Variants in BTRC observed in about 807,000 individuals in gnomAD.
The protein encoded by BTRC is beta-transducin repeat containing E3 ubiquitin protein ligase, also known as F-box/WD repeat-containing protein 1A.
A neutral mutation model predicts 85.5 loss-of-function variants in BTRC; 42 were observed. The ratio of observed to expected loss-of-function variants is 0.49; its 90% confidence interval spans 0.38 to 0.64. The LOEUF is 0.64. BTRC is among the 30% of genes least tolerant of loss of function. The probability of loss-of-function intolerance (pLI) is 0.00; values close to 1 mark genes in which losing one functional copy is unlikely to be tolerated. For missense variants in BTRC, 594 were observed against 743.5 expected (o/e 0.80, Z 2.34); for synonymous variants, 255 against 263.3 (o/e 0.97, Z 0.30).
intron 1 of BTRC, among the ~76,000 whole-genome samples, chr10:101,356,011 G>A (rs188949141): frequency 6.6e-6 from 1 of 152,280 alleles, no homozygotes; most frequent in East Asian, 1.9e-4. Context: ...CCTACTTAGA[G>A]GGTTGACTCC....
chr10:101,442,702 G>A (rs570149173), intron 2 of BTRC, among the ~76,000 whole-genome samples: 3 of 152,210 alleles, frequency 2.0e-5, no homozygotes, highest in South Asian at 2.1e-4. Context: ...AACGTAAAAA[G>A]GAATTAACGT....
intron 4 of BTRC, among the ~76,000 whole-genome samples, chr10:101,499,319 C>A (rs1213190285): frequency 6.6e-6 from 1 of 151,860 alleles, no homozygotes; most frequent in Non-Finnish European, 1.5e-5. Context: ...TCACTGCAAC[C>A]TCCGCCTTCT....
intron 2 of BTRC, among the ~76,000 whole-genome samples, chr10:101,437,051 C>T (rs1025352265): frequency 6.6e-6 from 1 of 152,136 alleles, no homozygotes; most frequent in Non-Finnish European, 1.5e-5. Flanking sequence ...AAATGCTTCT[C>T]ATTCTGTAGC....
chr10:101,432,187 G>T (rs1331395757), intron 2 of BTRC, among the ~76,000 whole-genome samples: 1 of 151,328 alleles, frequency 6.6e-6, no homozygotes, highest in Non-Finnish European at 1.5e-5. Flanking sequence ...GAGTGCAGTG[G>T]CACAATCTCG....
chr10:101,534,282 A>G (rs369767372), intron 9 of BTRC, among the ~76,000 whole-genome samples: 1 of 152,190 alleles, frequency 6.6e-6, no homozygotes, highest in Admixed American at 6.5e-5. Context: ...TGACAGAAGC[A>G]TCTTGGCCTA....
chr10:101,444,608 G>A (rs1944775078), intron 2 of BTRC, among the ~76,000 whole-genome samples: 1 of 152,102 alleles, frequency 6.6e-6, no homozygotes, highest in African/African-American at 2.4e-5. Flanking sequence ...TATTTATGAT[G>A]ATGTGCTGAT....
chr10:101,397,701 G>A (rs967650038), intron 1 of BTRC, among the ~76,000 whole-genome samples: 1 of 152,024 alleles, frequency 6.6e-6, no homozygotes, highest in East Asian at 1.9e-4. Context: ...TTCTCACCCA[G>A]TGCTTAATTT....
intron 1 of BTRC, among the ~76,000 whole-genome samples, chr10:101,405,011 A>C (rs1943585772): frequency 6.6e-6 from 1 of 151,690 alleles, no homozygotes; most frequent in African/African-American, 2.4e-5. Flanking sequence ...AAAAAAAAAA[A>C]AAAAAAAGTC....
At chr10:101,423,245 T>C (rs1589448716) in intron 1 of BTRC, among the ~76,000 whole-genome samples, 1 of 152,108 alleles carries the variant, frequency 6.6e-6, no homozygotes, top group East Asian at 1.9e-4. Flanking sequence ...TACTAGTTTA[T>C]TATACAGGTG....
intron 2 of BTRC, among the ~76,000 whole-genome samples, chr10:101,432,473 A>G (rs1234945331): frequency 6.6e-6 from 1 of 152,152 alleles, no homozygotes; most frequent in African/African-American, 2.4e-5. Context: ...AGGTTCTGCC[A>G]TTGAAGAATC....
At chr10:101,463,959 A>C (rs572665252) in intron 3 of BTRC, among the ~76,000 whole-genome samples, 18 of 147,232 alleles carry the variant, frequency 1.2e-4, no homozygotes, top group Admixed American at 1.2e-3. Context: ...AAAAAAAAAA[A>C]CAAACAAAAA....
chr10:101,460,571 A>T (rs1289907490), intron 2 of BTRC, among the ~76,000 whole-genome samples: 4 of 152,236 alleles, frequency 2.6e-5, no homozygotes, highest in Admixed American at 2.6e-4. Context: ...ATTTCTGCCC[A>T]AAAGAAACAC....
At chr10:101,449,360 G>T (rs1944904161) in intron 2 of BTRC, among the ~76,000 whole-genome samples, 1 of 151,932 alleles carries the variant, frequency 6.6e-6, no homozygotes, top group African/African-American at 2.4e-5. Flanking sequence ...CGTCCTAAGG[G>T]TTCTATAGTT....
chr10:101,553,166 G>A lies in BTRC; in HGVS notation c.*43G>A, dbSNP rs147673601. On this transcript the variant is annotated 3_prime_UTR_variant, in exon 15 of 15. Transcript: ENST00000370187. Reference sequence around the variant, plus strand: ...CTGTTTTCACACAGGACCCATTAAAGTTGCGGTATTTAACGTATCTGCCAA... The same window carrying A: ...CTGTTTTCACACAGGACCCATTAAAATTGCGGTATTTAACGTATCTGCCAA... 375 of 152,760 alleles carry A rather than the reference G, an allele frequency of 2.5e-3. 4 individuals are homozygous for A. Among genetic ancestry groups the A allele is most frequent in the Non-Finnish European group, 4.9e-4 (33 of 68,038 alleles). 9.5% of individuals were successfully genotyped at this position (152,760 alleles called of 1,614,324 possible).
At chr10:101,524,805 A>C (rs1485948749) in intron 5 of BTRC, among the ~76,000 whole-genome samples, 2 of 152,188 alleles carry the variant, frequency 1.3e-5, no homozygotes, top group Admixed American at 1.3e-4. Context: ...TGGGTAATGC[A>C]TGTCTCCATC....
intron 1 of BTRC, among the ~76,000 whole-genome samples, chr10:101,357,213 C>T (rs1304306738): frequency 6.6e-6 from 1 of 151,718 alleles, no homozygotes; most frequent in Admixed American, 6.6e-5. Flanking sequence ...GAGGCTGAGG[C>T]GGGCGGAACA....
chr10:101,391,521 C>T (rs934185165), intron 1 of BTRC, among the ~76,000 whole-genome samples: 3 of 152,266 alleles, frequency 2.0e-5, no homozygotes, highest in East Asian at 1.9e-4. Context: ...GCACAACCTT[C>T]GTAGTTCAGC....
chr10:101,363,248 G>A (rs184933539), intron 1 of BTRC, among the ~76,000 whole-genome samples: 2 of 152,116 alleles, frequency 1.3e-5, no homozygotes, highest in East Asian at 1.9e-4. Context: ...TCAAAGTCAT[G>A]CTAGCAGGTA....
chr10:101,491,728 T>A (rs1314498003), intron 4 of BTRC, among the ~76,000 whole-genome samples: 1 of 151,364 alleles, frequency 6.6e-6, no homozygotes, highest in African/African-American at 2.4e-5. Flanking sequence ...AGGCTTCAGG[T>A]CTGTCTGATT....
Sources: gnomAD v4.1 joint callset for allele counts (sites outside exome capture counted in the v4.1 genomes callset) on GRCh38, gnomAD v4.1.1 for gene constraint, MANE v1.5 for transcripts, NCBI Gene and HGNC (gene_info 2026-07-23, HGNC 2026-07-21) for gene names.